NKAIN2: variants seen among roughly 807,000 people sequenced by gnomAD.
NKAIN2 encodes sodium/potassium transporting ATPase interacting 2.
In NKAIN2, 14 loss-of-function variants were observed where a neutral mutation model predicts 32.6. The ratio of observed to expected loss-of-function variants is 0.43; its 90% CI spans 0.28 to 0.67. The LOEUF is 0.67. Ranked by LOEUF, NKAIN2 falls within the 30% of genes least tolerant of loss-of-function variation. The probability of loss-of-function intolerance (pLI) is 0.17; values close to 1 mark genes in which losing one functional copy is unlikely to be tolerated. For missense variants in NKAIN2, 198 were observed against 258.3 expected, an observed-to-expected ratio of 0.77 and a Z score of 1.60; for synonymous variants, 80 against 87.2, an observed-to-expected ratio of 0.92 and a Z score of 0.46.
Position 124,502,957 on chromosome 6 carries a change from A to C in NKAIN2, c.273+147610A>C, listed in dbSNP as rs552386985. 3.9e-5 allele frequency among the ~76,000 whole-genome samples: 6 copies of C among 152,168 alleles called. No individual in the cohort carries two copies. The East Asian group carries it at 1.2e-3, about 29-fold the overall frequency. On this transcript the variant is annotated intron_variant, in intron 3 of 6. Coordinates refer to ENST00000368417, the MANE Select transcript of NKAIN2 (RefSeq NM_001040214.3). ...TCTTGTTTCTTGATTTTTCTATATA[A>C]ATTTTAGAATCATCTTGCCTGAATT...
At chr6:124,822,133 G>A (rs6569399) in intron 6 of NKAIN2, among the ~76,000 whole-genome samples, 17,747 of 151,718 alleles carry the variant, frequency 0.12, 1,266 homozygotes, top group African/African-American at 0.21. Flanking sequence ...TTTACATTAC[G>A]CACTGTTAAA....
chr6:124,688,907 T>G (rs1774127106), intron 4 of NKAIN2, among the ~76,000 whole-genome samples: 1 of 152,104 alleles, frequency 6.6e-6, no homozygotes. Context: ...CTTCCAAATT[T>G]GGGCAATTAT....
At chr6:124,752,362 T>G (rs539075226) in intron 4 of NKAIN2, among the ~76,000 whole-genome samples, 1 of 152,076 alleles carries the variant, frequency 6.6e-6, no homozygotes, top group Non-Finnish European at 1.5e-5. Context: ...TAAAACATAC[T>G]TTAGGCATTA....
chr6:124,002,459 C>T (rs7747596), intron 1 of NKAIN2, among the ~76,000 whole-genome samples: 67,035 of 149,492 alleles, frequency 0.45, 15,775 homozygotes, highest in East Asian at 0.6. Context: ...CTTTTTTTTT[C>T]CCCCTTACCA....
chr6:124,783,124 G>A (rs1260741359), intron 4 of NKAIN2, among the ~76,000 whole-genome samples: 2 of 152,094 alleles, frequency 1.3e-5, no homozygotes, highest in Non-Finnish European at 2.9e-5. Flanking sequence ...TGTAAACCCT[G>A]AGAGAGGTAT....
At chr6:124,501,667 A>C (rs1351532460) in intron 3 of NKAIN2, among the ~76,000 whole-genome samples, 1 of 152,078 alleles carries the variant, frequency 6.6e-6, no homozygotes, top group Non-Finnish European at 1.5e-5. Flanking sequence ...ATGGCTCTCT[A>C]TAGCCCTCAA....
At chr6:124,561,296 T>G (rs1343138201) in intron 3 of NKAIN2, among the ~76,000 whole-genome samples, 1 of 152,196 alleles carries the variant, frequency 6.6e-6, no homozygotes, top group Non-Finnish European at 1.5e-5. Flanking sequence ...CTATACAGTG[T>G]ATATAAATAT....
In NKAIN2 at chr6:123,943,519, G is replaced by C. The variant is rs549388558; in HGVS notation, c.54+139265G>C. Among the ~76,000 whole-genome samples, 293 of 152,088 alleles carry C rather than the reference G, an allele frequency of 1.9e-3. 1 individual carries two copies. The highest frequency in any genetic ancestry group is 3.7e-3 in the South Asian group (18 of 4,830). ...TTTGGCATAGGCAATCTTGGATTCA[G>C]CTCCTGACTATGCTTCTTAAAAGCA... On this transcript the variant is annotated intron_variant, in intron 1 of 6. Coordinates refer to ENST00000368417, the MANE Select transcript of NKAIN2 (RefSeq NM_001040214.3).
intron 1 of NKAIN2, among the ~76,000 whole-genome samples, chr6:124,264,149 G>A (rs2114852803): frequency 6.6e-6 from 1 of 152,324 alleles, no homozygotes; most frequent in South Asian, 2.1e-4. Context: ...ATTTATGTGT[G>A]TAGCAGAGGG....
intron 4 of NKAIN2, among the ~76,000 whole-genome samples, chr6:124,737,302 A>G (rs1776996958): frequency 6.6e-6 from 1 of 151,842 alleles, no homozygotes; most frequent in Admixed American, 6.6e-5. Flanking sequence ...GAGTTCTCAC[A>G]AGATTTGATG....
intron 1 of NKAIN2, among the ~76,000 whole-genome samples, chr6:124,072,444 AC>A (rs141017253): frequency 0.018 from 2,686 of 152,256 alleles, 45 homozygotes; most frequent in African/African-American, 0.041. Context: ...CTGCACGTGT[AC>A]CCCCTGAATC....
intron 4 of NKAIN2, among the ~76,000 whole-genome samples, chr6:124,739,827 G>A (rs1003369736): frequency 6.6e-6 from 1 of 151,820 alleles, no homozygotes. Flanking sequence ...TTTTATCCTG[G>A]ATTTATAGGG....
chr6:124,252,011 T>C (rs1444402464), intron 1 of NKAIN2, among the ~76,000 whole-genome samples: 2 of 152,018 alleles, frequency 1.3e-5, no homozygotes, highest in Admixed American at 1.3e-4. Context: ...TATTGAAACA[T>C]CACTATGTAC....
rs117258692 is a variant in NKAIN2, at chr6:124,006,285, A to G, written c.54+202031A>G. On this transcript the variant is annotated intron_variant, in intron 1 of 6. Coordinates refer to ENST00000368417, the MANE Select transcript of NKAIN2 (RefSeq NM_001040214.3). ...CTCATGGCTTTTTCAAGCAATGGTG[A>G]GCAAACTGAGATTGAGGTCCCAGCA... is the stretch of plus-strand genomic sequence containing the variant. Among the ~76,000 whole-genome samples, 1,520 of 152,318 alleles carry G rather than the reference A, an allele frequency of 1.0e-2. 9 individuals are homozygous for G. Among genetic ancestry groups the G allele is most frequent in the Middle Eastern group, 0.065 (19 of 294 alleles).
intron 1 of NKAIN2, among the ~76,000 whole-genome samples, chr6:124,206,014 G>A (rs2087188808): frequency 6.6e-6 from 1 of 151,838 alleles, no homozygotes; most frequent in African/African-American, 2.4e-5. Context: ...TGGGAGAAAT[G>A]GTCATAGTTT....
intron 1 of NKAIN2, among the ~76,000 whole-genome samples, chr6:124,252,593 A>G (rs1481795102): frequency 6.6e-6 from 1 of 152,066 alleles, no homozygotes; most frequent in Admixed American, 6.5e-5. Context: ...GCATAACATA[A>G]ATATATGTAT....
intron 3 of NKAIN2, among the ~76,000 whole-genome samples, chr6:124,525,038 T>A (rs992491315): frequency 6.6e-6 from 1 of 152,152 alleles, no homozygotes; most frequent in Non-Finnish European, 1.5e-5. Context: ...AGCGATACAA[T>A]TGGTTTCTGA....
At chr6:124,257,780 C>CTTT (rs374874073) in intron 1 of NKAIN2, among the ~76,000 whole-genome samples, 16 of 136,216 alleles carry the variant, frequency 1.2e-4, no homozygotes, top group African/African-American at 3.3e-4. Flanking sequence ...TTTTTCTTTT[C>CTTT]TTTTTTTTTT....
intron 1 of NKAIN2, among the ~76,000 whole-genome samples, chr6:124,140,569 A>G (rs1562381131): frequency 6.6e-6 from 1 of 152,166 alleles, no homozygotes; most frequent in Non-Finnish European, 1.5e-5. Flanking sequence ...ACATTTGAGA[A>G]TGACTGGTAA....
Sources: gnomAD v4.1 joint callset for allele counts (sites outside exome capture counted in the v4.1 genomes callset) on GRCh38, gnomAD v4.1.1 for gene constraint, MANE v1.5 for transcripts, NCBI Gene and HGNC (gene_info 2026-07-23, HGNC 2026-07-21) for gene names.